The following SYNE2 variants were observed in gnomAD, a reference collection of about 807,000 sequenced individuals.
The protein encoded by SYNE2 is spectrin repeat containing nuclear envelope protein 2.
Under a neutral mutation model 856.3 loss-of-function variants are expected in SYNE2, and 431 were observed. That is an observed-to-expected ratio of 0.50 (90% CI 0.47 to 0.55). The LOEUF is 0.55. SYNE2 is among the 20% of genes least tolerant of loss of function. SYNE2 has a pLI of 0.00. For missense variants in SYNE2, 8,129 were observed against 8,023.2 expected, an observed-to-expected ratio of 1.01 and a Z score of -0.50; for synonymous variants, 2,923 against 2,872.3, an observed-to-expected ratio of 1.02 and a Z score of -0.56.
intron 2 of SYNE2, among the ~76,000 whole-genome samples, chr14:63,920,943 G>C (rs1397903293): frequency 1.3e-5 from 2 of 151,906 alleles, no homozygotes; most frequent in African/African-American, 4.8e-5. Flanking sequence ...GCAAAACCCT[G>C]TCTCTACTAA....
chr14:64,070,866 T>A lies in SYNE2; in HGVS notation c.10653T>A (p.Val3551=), dbSNP rs2097400385. The A allele has an allele frequency of 1.2e-6, 2 of 1,614,072 alleles. No homozygotes were observed. Among genetic ancestry groups the A allele is most frequent in the African/African-American group, 1.3e-5 (1 of 74,920 alleles). ...VPESSGAVET[V]PAFQEITSMK... is the part of the protein sequence containing the mutation. ...AAAGCTCAGGGGCTGTGGAAACTGT[T>A]CCAGCATTTCAAGAAATTACTTCTA... The change falls in exon 52 of 116, where the codon GTT becomes GTA. Residue 3551 remains valine (V), a synonymous_variant. Transcript: ENST00000555002.
chr14:64,038,206 C>T (rs1301076703), intron 45 of SYNE2, among the ~76,000 whole-genome samples: 2 of 151,554 alleles, frequency 1.3e-5, no homozygotes, highest in East Asian at 1.9e-4. Context: ...AGACGATGGG[C>T]GGCCGGGCAG....
chr14:64,137,843 A>C lies in SYNE2; in HGVS notation c.14703A>C (p.Glu4901Asp). 2.5e-6 allele frequency: 4 copies of C among 1,614,208 alleles called. No individual in the cohort carries two copies. The highest frequency in any genetic ancestry group is 3.4e-6 in the Non-Finnish European group (4 of 1,180,040). ...KHARLYQTLN[E>D]GKQLVASVSC... ...CCCGGCTTTACCAAACTCTGAACGA[A>C]GGCAAACAGTTGGTGGCGTCTGTGA... is the stretch of plus-strand genomic sequence containing the variant. Residue 4901 changes from glutamate (E) to aspartate (D), a missense_variant, in exon 79 of 116, where the codon GAA (glutamate) becomes GAC (aspartate). Glu to Asp is a conservative substitution (Grantham distance 45). Around this residue, in one of 3 missense-constraint regions of SYNE2, gnomAD observed 5,410 missense variants for 5,284.8 expected, o/e 1.02. Coordinates refer to ENST00000555002, the MANE Select transcript of SYNE2 (RefSeq NM_182914.3).
At chr14:64,209,742 T>C in intron 102 of SYNE2, 164 bp downstream of exon 102, 1 of 1,172,294 alleles carries the variant, frequency 8.5e-7, no homozygotes, top group Non-Finnish European at 1.2e-6. Flanking sequence ...TTGCAAGACA[T>C]TGCTGATGTA....
At chr14:63,992,313 G>C (rs1004303122) in intron 21 of SYNE2, among the ~76,000 whole-genome samples, 27 of 152,012 alleles carry the variant, frequency 1.8e-4, no homozygotes, top group African/African-American at 6.3e-4. Context: ...GTCTCACTCT[G>C]TCACCCAGGC....
At chr14:64,220,796 G>A (rs367978327) in intron 111 of SYNE2, among the ~76,000 whole-genome samples, 159 bp downstream of exon 111, 4 of 152,102 alleles carry the variant, frequency 2.6e-5, no homozygotes, top group African/African-American at 4.8e-5. Flanking sequence ...GAGGCTCACC[G>A]GCCATCTCAG....
chr14:64,084,169 C>A (rs2097543468), intron 57 of SYNE2: 1 of 152,238 alleles, frequency 6.6e-6, no homozygotes, highest in South Asian at 2.1e-4. Flanking sequence ...GCTGATCTGC[C>A]CACCTCGACC....
chr14:64,078,457 C>CT lies in SYNE2; in HGVS notation c.11023-6dup. ...CTCTAAGCCAAATGCGTCTTTGTCT[C>CT]TTTCACAGATTAGCAATGAAGTCTT... On this transcript the variant is annotated splice_polypyrimidine_tract_variant and intron_variant, in intron 54 of 115. Coordinates refer to ENST00000555002, the MANE Select transcript of SYNE2 (RefSeq NM_182914.3). The CT allele has an allele frequency of 6.2e-7, 1 of 1,613,688 alleles. No individual in the cohort carries two copies. The highest frequency in any genetic ancestry group is 8.5e-7 in the Non-Finnish European group (1 of 1,179,804).
chr14:64,162,949 C>T (rs1323718841), intron 88 of SYNE2: 2 of 183,856 alleles, frequency 1.1e-5, no homozygotes, highest in Admixed American at 1.1e-4. Context: ...TTTATGTACA[C>T]AATATTTCCA....
In SYNE2 at chr14:64,031,352, A is replaced by C; in HGVS notation, c.7216A>C (p.Asn2406His). 6.2e-7 allele frequency: 1 copy of C among 1,613,936 alleles called. No individual in the cohort carries two copies. Among genetic ancestry groups the C allele is most frequent in the Non-Finnish European group, 8.5e-7 (1 of 1,179,916 alleles). The stretch of plus-strand genomic sequence containing the variant: ...AAAGTTGGAGGAAGACTGGGAAATA[A>C]ACAAGGTAAGTGCTTGTGATTGCAC... Reference protein sequence around the residue: ...VEKLEEDWEINKDSAVEMAMS... With the variant: ...VEKLEEDWEIHKDSAVEMAMS... The change falls in exon 45 of 116, where the codon AAC becomes CAC. Residue 2406 changes from asparagine (N) to histidine (H), a missense_variant. Physicochemically the swap from Asn to His is moderately conservative, Grantham distance 68. This residue lies in a region of SYNE2 where 5,410 missense variants were observed against 5,284.8 expected (regional missense o/e 1.02). Transcript: ENST00000555002.
chr14:64,141,742 T>C (rs2098140638), intron 81 of SYNE2, among the ~76,000 whole-genome samples, 200 bp from the exon 82 acceptor site: 2 of 152,204 alleles, frequency 1.3e-5, no homozygotes, highest in South Asian at 2.1e-4. Flanking sequence ...TCTTTGCCAC[T>C]GTGTTAGTTT....
chr14:64,166,325 A>G (rs577757427), intron 90 of SYNE2, among the ~76,000 whole-genome samples: 119 of 152,340 alleles, frequency 7.8e-4, no homozygotes, highest in African/African-American at 2.7e-3. Flanking sequence ...TAAAATATTT[A>G]TGATCTGCCC....
chr14:64,182,197 C>G (rs1250223396), intron 96 of SYNE2, among the ~76,000 whole-genome samples: 1 of 152,046 alleles, frequency 6.6e-6, no homozygotes, highest in Non-Finnish European at 1.5e-5. Flanking sequence ...TGCAACACAC[C>G]GCTTTTCGCA....
At chr14:63,855,923 C>G (rs1173498117) in intron 1 of SYNE2, among the ~76,000 whole-genome samples, 2 of 152,110 alleles carry the variant, frequency 1.3e-5, no homozygotes, top group Admixed American at 1.3e-4. Context: ...CCAAGGCCTC[C>G]TAGAATACTG....
intron 30 of SYNE2, among the ~76,000 whole-genome samples, chr14:64,006,583 C>A (rs2096797860): frequency 6.6e-6 from 1 of 152,168 alleles, no homozygotes; most frequent in African/African-American, 2.4e-5. Flanking sequence ...AATCCCAGCA[C>A]TTTGGGAAGC....
At chr14:64,124,884 T>C (rs2097926408) in intron 70 of SYNE2, among the ~76,000 whole-genome samples, 195 bp from the exon 71 acceptor site, 1 of 152,078 alleles carries the variant, frequency 6.6e-6, no homozygotes, top group Admixed American at 6.6e-5. Flanking sequence ...GCACCTGTTA[T>C]CCCAGCTACT....
At chr14:63,803,644 C>T (rs1888248873) in intron 1 of SYNE2, among the ~76,000 whole-genome samples, 1 of 152,216 alleles carries the variant, frequency 6.6e-6, no homozygotes, top group Admixed American at 6.5e-5. Context: ...TCGCGCCTCT[C>T]CCTCCACACC....
intron 1 of SYNE2, among the ~76,000 whole-genome samples, chr14:63,800,924 A>G (rs898398871): frequency 1.3e-5 from 2 of 152,204 alleles, no homozygotes; most frequent in Non-Finnish European, 2.9e-5. Context: ...GAGTTTACCT[A>G]TGTAACAAAC....
intron 2 of SYNE2, among the ~76,000 whole-genome samples, chr14:63,915,498 A>G (rs569279715): frequency 1.3e-5 from 2 of 152,314 alleles, no homozygotes; most frequent in South Asian, 4.1e-4. Context: ...CCAGATACAG[A>G]ATATTATCAT....
Sources: allele counts gnomAD v4.1 joint callset (sites outside exome capture counted in the v4.1 genomes callset), GRCh38; gene constraint gnomAD v4.1.1; regional missense constraint gnomAD v4.1.1; transcripts MANE v1.5; gene names NCBI Gene and HGNC (gene_info 2026-07-23, HGNC 2026-07-21).